Variants in ZSCAN1 observed in about 807,000 individuals in gnomAD.
ZSCAN1 encodes the protein zinc finger and SCAN domain-containing protein 1.
ZSCAN1 carries 23 observed loss-of-function variants against 23.8 expected under a neutral mutation model. The ratio of observed to expected loss-of-function variants is 0.97; its 90% CI spans 0.70 to 1.37. ZSCAN1 has a LOEUF of 1.37. Among genes scored for constraint, ZSCAN1 ranks in the 40% most tolerant of loss-of-function variants. ZSCAN1 has a pLI of 0.00. For missense variants in ZSCAN1, 575 were observed against 554.0 expected (o/e 1.04, Z -0.38); for synonymous variants, 236 against 232.3 (o/e 1.02, Z -0.15).
At position 58,053,676 on chromosome 19, in the gene ZSCAN1, T is replaced by C. The variant is rs1197402397; in HGVS notation, c.852T>C (p.Arg284=). 4 of 1,613,956 alleles carry C rather than the reference T, an allele frequency of 2.5e-6. No homozygotes were observed. The African/African-American group carries it at 5.3e-5, about 22-fold the overall frequency. Residue 284 remains arginine, a synonymous_variant, in exon 6 of 6, where the codon CGT becomes CGC. Transcript: ENST00000282326. The surrounding 1 kb of genome is among the most constrained non-coding windows in gnomAD (Gnocchi z 5.8). ...EAVAGISVVP[R]GPRGGRPFQC... ...TTGCAGGCATCTCGGTAGTGCCGCGTGGGCCCCGAGGTGGGCGGCCCTTCC... is the reference window on the plus strand; with the variant it reads ...TTGCAGGCATCTCGGTAGTGCCGCGCGGGCCCCGAGGTGGGCGGCCCTTCC...
intron 2 of ZSCAN1, among the ~76,000 whole-genome samples, chr19:58,037,468 G>C (rs533533249): frequency 6.6e-6 from 1 of 150,788 alleles, no homozygotes; most frequent in Non-Finnish European, 1.5e-5. Flanking sequence ...GGACATCTGC[G>C]AGGGGAGGAG....
At position 58,053,801 on chromosome 19, in the gene ZSCAN1, G is replaced by C. The variant is rs1343265658; in HGVS notation, c.977G>C (p.Gly326Ala). 1.2e-6 allele frequency: 2 copies of C among 1,613,970 alleles called. No homozygotes were observed. The highest frequency in any genetic ancestry group is 8.5e-7 in the Non-Finnish European group (1 of 1,180,034). ...EEGPFPCPEC[G>A]KVFLHNSVLT... Reference sequence around the variant, plus strand: ...GGGCCCTTTCCGTGCCCCGAGTGTGGCAAGGTCTTCCTGCACAACTCCGTC... The same window carrying C: ...GGGCCCTTTCCGTGCCCCGAGTGTGCCAAGGTCTTCCTGCACAACTCCGTC... The change falls in exon 6 of 6, where the codon GGC (glycine) becomes GCC (alanine). Residue 326 changes from glycine to alanine, a missense_variant. Transcript: ENST00000282326. The surrounding 1 kb of genome is among the most constrained non-coding windows in gnomAD (Gnocchi z 5.8).
chr19:58,044,539 G>A (rs1262023727), intron 4 of ZSCAN1: 3 of 490,598 alleles, frequency 6.1e-6, no homozygotes, highest in Non-Finnish European at 1.0e-5. Context: ...CCGCGGAGAA[G>A]GAGGAGGAGC....
chr19:58,056,328 G>A (rs4384691), downstream of ZSCAN1, among the ~76,000 whole-genome samples: 79,499 of 152,112 alleles, frequency 0.52, 21,906 homozygotes, highest in Non-Finnish European at 0.63. Context: ...GTCTCCACCT[G>A]ACTCCACACT....
chr19:58,045,726 G>A lies in ZSCAN1; in HGVS notation c.465+5182G>A, dbSNP rs2073821047. On this transcript the variant is annotated intron_variant, in intron 4 of 5. Coordinates refer to ENST00000282326, the MANE Select transcript of ZSCAN1 (RefSeq NM_182572.4). The surrounding 1 kb of genome is among the most constrained non-coding windows in gnomAD (Gnocchi z 4.3). The stretch of plus-strand genomic sequence containing the variant: ...GTCGGGCACGAGGCATGCGGGCCCT[G>A]GGCGTCAGGGAAAACCACCTGAGGG... 5.3e-6 allele frequency: 6 copies of A among 1,129,450 alleles called. No individual in the cohort carries two copies. Among genetic ancestry groups the A allele is most frequent in the African/African-American group, 3.1e-5 (2 of 65,492 alleles). 70.0% of individuals were successfully genotyped at this position (1,129,450 alleles called of 1,614,324 possible).
At chr19:58,038,864 C>T (rs1349539730) in intron 3 of ZSCAN1, among the ~76,000 whole-genome samples, 5 of 152,236 alleles carry the variant, frequency 3.3e-5, no homozygotes, top group Admixed American at 6.5e-5. Context: ...GAGGCAGCCA[C>T]GGATGGTGAG....
At chr19:58,046,147 GC>G in intron 4 of ZSCAN1, 1 of 718,612 alleles carries the variant, frequency 1.4e-6, no homozygotes, top group Admixed American at 2.0e-5. Flanking sequence ...GAAGGACACT[GC>G]CCCCGTGCTA....
intron 1 of ZSCAN1, 32 bp downstream of exon 1, chr19:58,034,193 C>T (rs2123412841): frequency 6.6e-6 from 1 of 151,340 alleles, no homozygotes; most frequent in East Asian, 2.0e-4. Context: ...CGTCCCTCCG[C>T]CCGCCAGAGC....
At chr19:58,051,041 T>C (rs1434243298) in intron 4 of ZSCAN1, among the ~76,000 whole-genome samples, 1 of 152,174 alleles carries the variant, frequency 6.6e-6, no homozygotes, top group Non-Finnish European at 1.5e-5. Flanking sequence ...GCCCCGGGAA[T>C]GTCTTGGTTT....
chr19:58,055,169 A>G (rs1299599980), downstream of ZSCAN1, among the ~76,000 whole-genome samples: 2 of 152,208 alleles, frequency 1.3e-5, no homozygotes, highest in Non-Finnish European at 2.9e-5. Context: ...AGGCAGAGAC[A>G]TTTTTCCAAG....
At chr19:58,044,568 C>G in intron 4 of ZSCAN1, 1 of 669,360 alleles carries the variant, frequency 1.5e-6, no homozygotes, top group Non-Finnish European at 2.4e-6. Flanking sequence ...GAGGCCCGAG[C>G]GGCCGCCACG....
intron 4 of ZSCAN1, among the ~76,000 whole-genome samples, chr19:58,044,116 C>CA (rs912925875): frequency 1.3e-5 from 2 of 151,830 alleles, no homozygotes; most frequent in African/African-American, 2.4e-5. Context: ...ACTAAAAATA[C>CA]AAAAAAATAG....
chr19:58,053,278 G>T lies in ZSCAN1; in HGVS notation c.605-151G>T. 1 of 994,198 alleles carries T rather than the reference G, an allele frequency of 1.0e-6. No individual in the cohort carries two copies. Among genetic ancestry groups the T allele is most frequent in the Non-Finnish European group, 1.5e-6 (1 of 684,472 alleles). The allele number at this position is 994,198 out of a possible 1,614,324, so 61.6% of individuals were successfully genotyped here. On this transcript the variant is annotated intron_variant, in intron 5 of 5. Transcript: ENST00000282326. The surrounding 1 kb of genome is among the most constrained non-coding windows in gnomAD (Gnocchi z 5.8). Reference sequence around the variant, plus strand: ...GCCACATGTGCCCTTGTATCTTAAAGGACAGAACGGAGGACACAGGGGCCG... The same window carrying T: ...GCCACATGTGCCCTTGTATCTTAAATGACAGAACGGAGGACACAGGGGCCG...
downstream of ZSCAN1, among the ~76,000 whole-genome samples, chr19:58,056,463 T>C (rs2123450839): frequency 6.6e-6 from 1 of 152,354 alleles, no homozygotes; most frequent in African/African-American, 2.4e-5. Flanking sequence ...GGGAAGTCCC[T>C]GTGGAGACAC....
Position 58,053,846 on chromosome 19 carries a change from T to C in ZSCAN1, c.1022T>C (p.Ile341Thr). 1 of 1,613,806 alleles carries C rather than the reference T, an allele frequency of 6.2e-7. No individual in the cohort carries two copies. The highest frequency in any genetic ancestry group is 2.2e-5 in the East Asian group (1 of 44,848). Residue 341 changes from isoleucine (I) to threonine (T), a missense_variant, in exon 6 of 6, where the codon ATC (isoleucine) becomes ACC (threonine). Coordinates refer to ENST00000282326, the MANE Select transcript of ZSCAN1 (RefSeq NM_182572.4). This position sits in a 1 kb window ranked among gnomAD's most constrained non-coding sequence, Gnocchi z 5.8. ...HNSVLTEHGK[I>T]HLLEPPRKKA... The stretch of plus-strand genomic sequence containing the variant: ...TCCGTCCTCACTGAGCATGGCAAGA[T>C]CCACCTGCTGGAGCCACCGAGGAAG...
chr19:58,052,558 G>C lies in ZSCAN1; in HGVS notation c.534G>C (p.Glu178Asp). 6.2e-7 allele frequency: 1 copy of C among 1,613,940 alleles called. No individual in the cohort carries two copies. The highest frequency in any genetic ancestry group is 8.5e-7 in the Non-Finnish European group (1 of 1,180,036). Residue 178 changes from glutamate (E) to aspartate (D), a missense_variant, in exon 5 of 6, where the codon GAG becomes GAC. Coordinates refer to ENST00000282326, the MANE Select transcript of ZSCAN1 (RefSeq NM_182572.4). ...PALPEESEWL[E>D]TTQLQQSLHT... ...TCCCCGAGGAAAGTGAGTGGCTGGA[G>C]ACTACCCAGCTCCAGCAGAGTCTGC...
In ZSCAN1 at chr19:58,040,230, A is replaced by T. The variant is rs941708376; in HGVS notation, c.371-220A>T. On this transcript the variant is annotated intron_variant, in intron 3 of 5. Coordinates refer to ENST00000282326, the MANE Select transcript of ZSCAN1 (RefSeq NM_182572.4). This position sits in a 1 kb window ranked among gnomAD's most constrained non-coding sequence, Gnocchi z 5.8. ...GAGGCGCACAGGGGTGTGGAGTATG[A>T]GTGAAGAGGGTACTTGTCTTCAGCG... is the stretch of plus-strand genomic sequence containing the variant. Among the ~76,000 whole-genome samples, 1 of 152,086 alleles carries T rather than the reference A, an allele frequency of 6.6e-6. No individual in the cohort carries two copies.
chr19:58,054,148 C>A lies in ZSCAN1; in HGVS notation c.*97C>A. 1 of 1,407,646 alleles carries A rather than the reference C, an allele frequency of 7.1e-7. No homozygotes were observed. Among genetic ancestry groups the A allele is most frequent in the South Asian group, 1.5e-5 (1 of 65,372 alleles). The allele number at this position is 1,407,646 out of a possible 1,614,324, so 87.2% of individuals were successfully genotyped here. On this transcript the variant is annotated 3_prime_UTR_variant, in exon 6 of 6. Coordinates refer to ENST00000282326, the MANE Select transcript of ZSCAN1 (RefSeq NM_182572.4). This position sits in a 1 kb window ranked among gnomAD's most constrained non-coding sequence, Gnocchi z 4.2. ...GGACATCCCCCAGCCCCACCAACCCCTGGCCACCTTGGGACTCCTCTTGAA... is the reference window on the plus strand; with the variant it reads ...GGACATCCCCCAGCCCCACCAACCCATGGCCACCTTGGGACTCCTCTTGAA...
At chr19:58,044,041 C>T (rs929404687) in intron 4 of ZSCAN1, among the ~76,000 whole-genome samples, 20 of 151,894 alleles carry the variant, frequency 1.3e-4, no homozygotes, top group Admixed American at 2.0e-4. Flanking sequence ...GAGGCCGCGG[C>T]GGGCGGATCA....
Sources: allele counts gnomAD v4.1 joint callset (sites outside exome capture counted in the v4.1 genomes callset), GRCh38; gene constraint gnomAD v4.1.1; non-coding constraint Gnocchi (gnomAD v3.1); transcripts MANE v1.5; gene names NCBI Gene and HGNC (gene_info 2026-07-23, HGNC 2026-07-21).